Variants in TNPO3 observed in about 807,000 individuals in gnomAD.
TNPO3 encodes transportin-3.
Under a neutral mutation model 122.8 loss-of-function variants are expected in TNPO3, and 65 were observed. The ratio of observed to expected loss-of-function variants is 0.53; its 90% CI spans 0.43 to 0.65. The LOEUF (loss-of-function observed/expected upper bound fraction) is 0.65. Ranked by LOEUF, TNPO3 falls within the 30% of genes least tolerant of loss-of-function variation. The pLI, the probability that TNPO3 is intolerant of heterozygous loss-of-function variation, is 0.00. For missense variants in TNPO3, 850 were observed against 1,136.7 expected, an observed-to-expected ratio of 0.75 and a Z score of 3.63; for synonymous variants, 372 against 411.2, an observed-to-expected ratio of 0.90 and a Z score of 1.15.
At chr7:129,014,670 T>C (rs1252037763) in intron 4 of TNPO3, among the ~76,000 whole-genome samples, 1 of 152,210 alleles carries the variant, frequency 6.6e-6, no homozygotes, top group African/African-American at 2.4e-5. Flanking sequence ...GTTTGGAGCA[T>C]TAAGCAGTAG....
intron 1 of TNPO3, among the ~76,000 whole-genome samples, chr7:129,040,536 A>G (rs556839322): frequency 6.6e-6 from 1 of 152,326 alleles, no homozygotes; most frequent in African/African-American, 2.4e-5. Context: ...TAAAATATAC[A>G]TATAAGAAAA....
chr7:128,996,012 TA>T (rs1277828815), intron 8 of TNPO3, among the ~76,000 whole-genome samples: 1 of 152,192 alleles, frequency 6.6e-6, no homozygotes. Flanking sequence ...TTCTTCACTT[TA>T]AAAAATAGCG....
At chr7:128,963,693 T>C (rs950836327) in intron 21 of TNPO3, among the ~76,000 whole-genome samples, 1 of 152,218 alleles carries the variant, frequency 6.6e-6, no homozygotes, top group East Asian at 1.9e-4. Context: ...CATTCCATGG[T>C]TTGGGATTTT....
chr7:128,957,190 G>C, intron 22 of TNPO3, 34 bp downstream of exon 22: 1 of 1,579,046 alleles, frequency 6.3e-7, no homozygotes, highest in South Asian at 1.1e-5. Flanking sequence ...CAGTCCGACA[G>C]TCCGGACAAA....
At chr7:129,003,019 G>A (rs1304778133) in intron 5 of TNPO3, among the ~76,000 whole-genome samples, 9 of 116,738 alleles carry the variant, frequency 7.7e-5, no homozygotes, top group African/African-American at 1.4e-4. Context: ...CAGCCCCGGC[G>A]ACAGAGCGAG....
chr7:129,023,350 C>T (rs373917711), intron 1 of TNPO3, among the ~76,000 whole-genome samples: 1 of 151,746 alleles, frequency 6.6e-6, no homozygotes, highest in East Asian at 1.9e-4. Flanking sequence ...TATACATACA[C>T]GTGTAGATAA....
At chr7:129,028,929 G>A in intron 1 of TNPO3, 1 of 430,526 alleles carries the variant, frequency 2.3e-6, no homozygotes, top group Non-Finnish European at 4.5e-6. Flanking sequence ...ACTGCCACTT[G>A]CTTCCTTGAT....
intron 1 of TNPO3, among the ~76,000 whole-genome samples, chr7:129,030,965 A>T (rs1805864363): frequency 6.6e-6 from 1 of 152,178 alleles, no homozygotes; most frequent in African/African-American, 2.4e-5. Flanking sequence ...CAACAACAAA[A>T]TTGACAAAGC....
chr7:128,956,672 C>G (rs1796929520), intron 22 of TNPO3, among the ~76,000 whole-genome samples: 1 of 152,158 alleles, frequency 6.6e-6, no homozygotes, highest in Non-Finnish European at 1.5e-5. Flanking sequence ...AAAAACACTT[C>G]TGAAAGTGTT....
rs1404613434 is a variant in TNPO3 at position 128,989,957 on chromosome 7, A to T, written c.1498+4T>A. The T allele has an allele frequency of 1.2e-6, 2 of 1,612,974 alleles. No individual in the cohort carries two copies. The highest frequency in any genetic ancestry group is 1.1e-5 in the South Asian group (1 of 91,076). ...AAGTGGCAGAGGAGAGAGATTACAC[A>T]TACCAAGGAACTGAGGATTTCGATC... is the stretch of plus-strand genomic sequence containing the variant. On this transcript the variant is annotated splice_donor_region_variant and intron_variant, in intron 11 of 22. Coordinates refer to ENST00000265388, the MANE Select transcript of TNPO3 (RefSeq NM_012470.4).
chr7:128,960,295 C>T (rs540499191), intron 21 of TNPO3, among the ~76,000 whole-genome samples: 6 of 152,082 alleles, frequency 3.9e-5, no homozygotes, highest in South Asian at 4.1e-4. Context: ...TACTATACTA[C>T]ACTTTTTATC....
At position 128,980,010 on chromosome 7, in the gene TNPO3, T is replaced by G. The variant is rs1445320564; in HGVS notation, c.1881A>C (p.Glu627Asp). The G allele has an allele frequency of 6.2e-7, 1 of 1,614,154 alleles. No individual in the cohort carries two copies. The highest frequency in any genetic ancestry group is 1.7e-5 in the Admixed American group (1 of 60,026). Reference protein sequence around the residue: ...VIFRHTNPIVENGQTHPCQKV... With the variant: ...VIFRHTNPIVDNGQTHPCQKV... ...TCTGACACGGATGAGTCTGTCCATT[T>G]TCCACAATGGGATTGGTATGCCTGG... The change falls in exon 15 of 23, where the codon GAA becomes GAC. Residue 627 changes from glutamate (E) to aspartate (D), a missense_variant. Physicochemically the swap from Glu to Asp is conservative, Grantham distance 45. Transcript: ENST00000265388.
intron 14 of TNPO3, 152 bp downstream of exon 14, chr7:128,982,096 C>T: frequency 5.3e-6 from 3 of 562,616 alleles, no homozygotes; most frequent in South Asian, 2.1e-5. Context: ...TTTGCCTTTG[C>T]CCCAGAACTT....
chr7:129,027,441 A>T (rs1805327260), intron 1 of TNPO3, among the ~76,000 whole-genome samples: 1 of 151,654 alleles, frequency 6.6e-6, no homozygotes. Context: ...CACACCTGTA[A>T]TCTCAGCTAC....
intron 21 of TNPO3, among the ~76,000 whole-genome samples, chr7:128,959,998 G>A (rs1195199311): frequency 6.6e-6 from 1 of 152,124 alleles, no homozygotes; most frequent in African/African-American, 2.4e-5. Flanking sequence ...TTCAGCCTGG[G>A]CGACAGAGCA....
chr7:128,989,642 G>A (rs1013827973), intron 11 of TNPO3, among the ~76,000 whole-genome samples: 6 of 152,158 alleles, frequency 3.9e-5, no homozygotes, highest in African/African-American at 1.4e-4. Flanking sequence ...TGTTAAAATT[G>A]TAAGAGATTC....
At chr7:128,961,511 C>G (rs762874476) in intron 21 of TNPO3, among the ~76,000 whole-genome samples, 8 of 152,178 alleles carry the variant, frequency 5.3e-5, no homozygotes, top group Non-Finnish European at 8.8e-5. Flanking sequence ...CCTAATGACA[C>G]ATTTCTTGGA....
intron 1 of TNPO3, chr7:129,029,136 C>T (rs1805607046): frequency 9.2e-6 from 2 of 216,862 alleles, no homozygotes; most frequent in South Asian, 6.6e-5. Flanking sequence ...AAGACTCTTG[C>T]TGCCATCGGG....
intron 21 of TNPO3, among the ~76,000 whole-genome samples, chr7:128,960,120 G>A (rs939540046): frequency 6.6e-6 from 1 of 152,180 alleles, no homozygotes; most frequent in Non-Finnish European, 1.5e-5. Context: ...GATCCTATGA[G>A]TATAATAGAG....
Sources: allele counts gnomAD v4.1 joint callset (sites outside exome capture counted in the v4.1 genomes callset), GRCh38; gene constraint gnomAD v4.1.1; transcripts MANE v1.5; gene names NCBI Gene and HGNC (gene_info 2026-07-23, HGNC 2026-07-21).